The following SOBP variants were observed in gnomAD, a reference collection of about 807,000 sequenced individuals.
SOBP encodes the protein sine oculis-binding protein homolog.
Under a neutral mutation model 53.6 loss-of-function variants are expected in SOBP, and 4 were observed. The ratio of observed to expected loss-of-function variants is 0.07; its 90% CI spans 0.04 to 0.17. SOBP has a LOEUF of 0.17. Ranked by LOEUF, SOBP falls within the 10% of genes least tolerant of loss-of-function variation. SOBP has a pLI of 1.00. For missense variants in SOBP, 1,088 were observed against 1,204.7 expected (o/e 0.90, Z 1.43); for synonymous variants, 584 against 522.6 (o/e 1.12, Z -1.60).
At chr6:107,654,995 G>C (rs1771971922) in intron 6 of SOBP, among the ~76,000 whole-genome samples, 1 of 152,114 alleles carries the variant, frequency 6.6e-6, no homozygotes, top group Non-Finnish European at 1.5e-5. Context: ...AGGCTCTGGG[G>C]GAGGGTGGCT....
intron 4 of SOBP, among the ~76,000 whole-genome samples, chr6:107,542,721 C>A (rs549034995): frequency 1.3e-5 from 2 of 151,794 alleles, no homozygotes; most frequent in Admixed American, 1.3e-4. Flanking sequence ...TGTATTGAAC[C>A]AATTTAGTTT....
intron 1 of SOBP, among the ~76,000 whole-genome samples, chr6:107,494,192 A>G (rs1478215704): frequency 6.6e-6 from 1 of 152,226 alleles, no homozygotes; most frequent in Non-Finnish European, 1.5e-5. Context: ...ATTTTAAAAA[A>G]TCAGACAGCG....
chr6:107,589,330 T>C (rs1357713445), intron 5 of SOBP, among the ~76,000 whole-genome samples: 2 of 152,186 alleles, frequency 1.3e-5, no homozygotes, highest in Non-Finnish European at 1.5e-5. Context: ...CCACAGACAC[T>C]GACAGAAAGT....
At chr6:107,592,746 G>T (rs574032304) in intron 5 of SOBP, among the ~76,000 whole-genome samples, 1 of 152,078 alleles carries the variant, frequency 6.6e-6, no homozygotes, top group East Asian at 1.9e-4. Context: ...ATCCCAGGGG[G>T]ACTGGCTGCT....
chr6:107,504,026 C>T (rs907332799), intron 2 of SOBP, among the ~76,000 whole-genome samples: 3 of 152,210 alleles, frequency 2.0e-5, no homozygotes, highest in Non-Finnish European at 4.4e-5. Context: ...AATGGGAGAA[C>T]TAGACAAGGA....
intron 5 of SOBP, among the ~76,000 whole-genome samples, chr6:107,606,136 G>T (rs529296825): frequency 6.9e-6 from 1 of 144,094 alleles, no homozygotes; most frequent in Admixed American, 7.3e-5. Context: ...GAGTGTAGTA[G>T]CGCGATCTCG....
intron 5 of SOBP, among the ~76,000 whole-genome samples, chr6:107,601,763 G>A (rs1348541667): frequency 1.3e-5 from 2 of 152,194 alleles, no homozygotes; most frequent in Non-Finnish European, 2.9e-5. Context: ...ACTATGCAAA[G>A]TCTTGAATTT....
intron 1 of SOBP, among the ~76,000 whole-genome samples, chr6:107,498,834 T>A (rs571735113): frequency 5.9e-5 from 9 of 152,272 alleles, no homozygotes; most frequent in African/African-American, 1.9e-4. Context: ...TAGGATTGCC[T>A]TTTTTTCTTA....
At chr6:107,588,262 A>C (rs1045144990) in intron 5 of SOBP, among the ~76,000 whole-genome samples, 2 of 152,202 alleles carry the variant, frequency 1.3e-5, no homozygotes, top group African/African-American at 4.8e-5. Flanking sequence ...ACAAAAATTC[A>C]GTTCTTACCC....
intron 4 of SOBP, among the ~76,000 whole-genome samples, chr6:107,561,419 C>T (rs578173635): frequency 1.3e-5 from 2 of 152,266 alleles, no homozygotes; most frequent in Admixed American, 1.3e-4. Flanking sequence ...TTTTCCATAG[C>T]CTTTCATTTC....
chr6:107,560,566 T>C (rs2115024233), intron 4 of SOBP, among the ~76,000 whole-genome samples: 1 of 152,302 alleles, frequency 6.6e-6, no homozygotes, highest in African/African-American at 2.4e-5. Context: ...CACCTATGGA[T>C]ACTCACGGTT....
Position 107,503,798 on chromosome 6 carries a change from A to G in SOBP, c.235+3A>G. The G allele has an allele frequency of 1.2e-6, 2 of 1,613,862 alleles. No individual in the cohort carries two copies. Reference sequence around the variant, plus strand: ...GCAGCACATTTCTGTTCTCAAAGGTAATGACATTTAATGTCCTTTTGTTCA... The same window carrying G: ...GCAGCACATTTCTGTTCTCAAAGGTGATGACATTTAATGTCCTTTTGTTCA... On this transcript the variant is annotated splice_donor_region_variant and intron_variant, in intron 2 of 6. Transcript: ENST00000317357.
intron 5 of SOBP, among the ~76,000 whole-genome samples, chr6:107,609,025 G>A (rs1424591711): frequency 6.6e-6 from 1 of 152,276 alleles, no homozygotes; most frequent in East Asian, 1.9e-4. Context: ...TATGTCCCCA[G>A]CTATTCACAC....
chr6:107,530,172 G>C (rs1464793873), intron 3 of SOBP, among the ~76,000 whole-genome samples: 1 of 152,092 alleles, frequency 6.6e-6, no homozygotes, highest in Non-Finnish European at 1.5e-5. Context: ...ATGTAAGACA[G>C]GTAATTAGGT....
intron 4 of SOBP, among the ~76,000 whole-genome samples, chr6:107,585,676 C>CT (rs1275241487): frequency 6.6e-6 from 1 of 152,230 alleles, no homozygotes; most frequent in African/African-American, 2.4e-5. Context: ...AGAGCAATCT[C>CT]TTTTCCCCAC....
chr6:107,610,284 C>T (rs1176212874), intron 5 of SOBP, among the ~76,000 whole-genome samples: 3 of 152,194 alleles, frequency 2.0e-5, no homozygotes, highest in Admixed American at 2.0e-4. Context: ...GGCTGCAGAA[C>T]TGGCTGTCTT....
intron 4 of SOBP, among the ~76,000 whole-genome samples, chr6:107,548,734 C>T (rs1370366881): frequency 6.6e-6 from 1 of 151,254 alleles, no homozygotes; most frequent in Non-Finnish European, 1.5e-5. Flanking sequence ...GCCAGGAGTT[C>T]GTGACCAGCC....
In SOBP at chr6:107,634,141, G is replaced by A. The variant is rs1215465405; in HGVS notation, c.1297G>A (p.Gly433Ser). ...CCCCCTGTCCAACCCCATGCTTCCC[G>A]GCATCGGGCCCCCGCCCGGTGGCCC... ...NSPLSNPMLP[G>S]IGPPPGGPRN... is the part of the protein sequence containing the mutation. Residue 433 changes from glycine to serine, a missense_variant, in exon 6 of 7, where the codon GGC becomes AGC. This residue lies in a region of SOBP where 211 missense variants were observed against 258.9 expected (regional missense o/e 0.82). Transcript: ENST00000317357. The surrounding 1 kb of genome is among the most constrained non-coding windows in gnomAD (Gnocchi z 4.5). 3 of 1,610,994 alleles carry A rather than the reference G, an allele frequency of 1.9e-6. No homozygotes were observed. The highest frequency in any genetic ancestry group is 2.5e-6 in the Non-Finnish European group (3 of 1,178,900).
intron 5 of SOBP, among the ~76,000 whole-genome samples, chr6:107,589,660 C>T (rs562635000): frequency 2.0e-5 from 3 of 152,320 alleles, no homozygotes; most frequent in African/African-American, 2.4e-5. Context: ...AGATATTTAG[C>T]TTTGTGGCCA....
Sources: allele counts gnomAD v4.1 joint callset (sites outside exome capture counted in the v4.1 genomes callset), GRCh38; gene constraint gnomAD v4.1.1; regional missense constraint gnomAD v4.1.1; non-coding constraint Gnocchi (gnomAD v3.1); transcripts MANE v1.5; gene names NCBI Gene and HGNC (gene_info 2026-07-23, HGNC 2026-07-21).